Variants in GAS2 observed in about 807,000 individuals in gnomAD.
GAS2 encodes the protein growth arrest specific 2.
A neutral mutation model predicts 37.5 loss-of-function variants in GAS2; 20 were observed. The observed-to-expected ratio is 0.53, with a 90% CI of 0.37 to 0.77. The LOEUF (loss-of-function observed/expected upper bound fraction) is 0.77, where lower values mean the gene tolerates loss of function less well. Among genes scored for constraint, GAS2 ranks in the 30% least tolerant of loss-of-function variants. GAS2 has a pLI of 0.00. For missense variants in GAS2, 336 were observed against 373.4 expected (o/e 0.90, Z 0.82); for synonymous variants, 144 against 132.2 (o/e 1.09, Z -0.61).
intron 3 of GAS2, among the ~76,000 whole-genome samples, chr11:22,704,588 C>T (rs369032269): frequency 1.2e-4 from 11 of 90,502 alleles, no homozygotes; most frequent in Middle Eastern, 0.015. Flanking sequence ...TGAAAATAAA[C>T]ATATATATAT....
chr11:22,639,561 G>A lies in GAS2; in HGVS notation c.-21+13748G>A, dbSNP rs551301062. Among the ~76,000 whole-genome samples, 37 of 152,126 alleles carry A rather than the reference G, an allele frequency of 2.4e-4. No individual in the cohort carries two copies. In the South Asian group the frequency reaches 7.3e-3, roughly 30 times the overall value. On this transcript the variant is annotated intron_variant, in intron 1 of 5. Transcript: ENST00000528582. ...ATTTCATTGGTTTCCCTTACAAAAG[G>A]GGAAAATCGTCAAATGAATTGTAAT...
intron 1 of GAS2, among the ~76,000 whole-genome samples, chr11:22,652,288 C>G (rs186652095): frequency 1.6e-4 from 25 of 152,332 alleles, no homozygotes; most frequent in African/African-American, 5.5e-4. Flanking sequence ...TCTCAGATCT[C>G]CAGCTGTGTG....
chr11:22,673,676 G>C (rs1849295460), intron 1 of GAS2, among the ~76,000 whole-genome samples: 1 of 151,996 alleles, frequency 6.6e-6, no homozygotes, highest in Non-Finnish European at 1.5e-5. Flanking sequence ...GGAGGCCGAG[G>C]CAGGTGGATC....
chr11:22,665,007 A>G (rs1023475103), upstream of GAS2, among the ~76,000 whole-genome samples: 201 of 150,144 alleles, frequency 1.3e-3, no homozygotes, highest in Non-Finnish European at 1.4e-3. Context: ...TTTAAGACAA[A>G]AAAAAAAATA....
chr11:22,629,430 A>G (rs1178595743), intron 1 of GAS2, among the ~76,000 whole-genome samples: 1 of 152,012 alleles, frequency 6.6e-6, no homozygotes, highest in East Asian at 1.9e-4. Context: ...CCAACAGTGT[A>G]TAAGCATTCC....
At chr11:22,775,041 T>C (rs1052600473) in intron 7 of GAS2, among the ~76,000 whole-genome samples, 2 of 150,838 alleles carry the variant, frequency 1.3e-5, no homozygotes, top group Non-Finnish European at 3.0e-5. Context: ...AAAGGAGGAG[T>C]GGGCAACGAG....
intron 7 of GAS2, among the ~76,000 whole-genome samples, chr11:22,790,296 C>G (rs575232095): frequency 7.2e-5 from 11 of 152,298 alleles, no homozygotes; most frequent in Admixed American, 5.9e-4. Flanking sequence ...TCTCCTATCC[C>G]TCTCGCATTT....
intron 7 of GAS2, among the ~76,000 whole-genome samples, chr11:22,765,909 C>T (rs753570613): frequency 9.9e-5 from 15 of 152,044 alleles, no homozygotes; most frequent in East Asian, 1.9e-4. Context: ...TTTCTATACA[C>T]GGTGGAAGAA....
In GAS2 at chr11:22,762,823, G is replaced by T. The variant is rs151194360; in HGVS notation, c.723+6870G>T. ...AAAATTAACTAGAATTCTATAATAAGACATATTGCTATCTGTCCTGATATC... is the reference window on the plus strand; with the variant it reads ...AAAATTAACTAGAATTCTATAATAATACATATTGCTATCTGTCCTGATATC... On this transcript the variant is annotated intron_variant, in intron 7 of 7. Transcript: ENST00000454584. Among the ~76,000 whole-genome samples, 7 of 152,188 alleles carry T rather than the reference G, an allele frequency of 4.6e-5. No individual in the cohort carries two copies. The East Asian group carries it at 1.4e-3, about 29-fold the overall frequency.
intron 7 of GAS2, among the ~76,000 whole-genome samples, chr11:22,779,916 CAAGCACCCTG>C (rs1855466573): frequency 6.6e-6 from 1 of 152,116 alleles, no homozygotes; most frequent in Admixed American, 6.5e-5. Context: ...ATACTGATCC[CAAGCACCCTG>C]TAATTTTCTT....
intron 4 of GAS2, among the ~76,000 whole-genome samples, chr11:22,736,712 A>G (rs1852774087): frequency 6.6e-6 from 1 of 152,120 alleles, no homozygotes; most frequent in Admixed American, 6.5e-5. Context: ...TTAAGAATAA[A>G]AGCAATATTG....
chr11:22,772,460 C>A (rs2134434185), intron 7 of GAS2, among the ~76,000 whole-genome samples: 1 of 152,176 alleles, frequency 6.6e-6, no homozygotes, highest in African/African-American at 2.4e-5. Context: ...TCATCAGTAT[C>A]TTTTAAAGGG....
At chr11:22,700,004 T>G (rs1260985038) in intron 3 of GAS2, among the ~76,000 whole-genome samples, 1 of 152,146 alleles carries the variant, frequency 6.6e-6, no homozygotes, top group East Asian at 1.9e-4. Flanking sequence ...ATACTGGAAG[T>G]GTAGAGATGC....
chr11:22,657,978 G>C (rs1252787051), intron 1 of GAS2, among the ~76,000 whole-genome samples: 1 of 150,942 alleles, frequency 6.6e-6, no homozygotes, highest in African/African-American at 2.4e-5. Flanking sequence ...AATTTAAAAC[G>C]ATCCAGATGT....
intron 7 of GAS2, among the ~76,000 whole-genome samples, chr11:22,783,833 G>A (rs1855690463): frequency 1.3e-5 from 2 of 152,122 alleles, no homozygotes; most frequent in Non-Finnish European, 2.9e-5. Context: ...TATGTGTAAG[G>A]AAGGAGTCCA....
At chr11:22,692,360 A>C (rs1850287257) in intron 3 of GAS2, among the ~76,000 whole-genome samples, 1 of 152,204 alleles carries the variant, frequency 6.6e-6, no homozygotes, top group Non-Finnish European at 1.5e-5. Flanking sequence ...ACGTGCGCCC[A>C]TGATACAGCC....
chr11:22,752,614 C>T (rs773644193), intron 6 of GAS2, among the ~76,000 whole-genome samples: 23 of 150,954 alleles, frequency 1.5e-4, no homozygotes, highest in Non-Finnish European at 2.7e-4. Context: ...TAATTTTACT[C>T]TGGGAAAGCT....
At chr11:22,797,179 C>A (rs745809161) in intron 7 of GAS2, among the ~76,000 whole-genome samples, 3 of 151,928 alleles carry the variant, frequency 2.0e-5, no homozygotes, top group African/African-American at 4.8e-5. Flanking sequence ...GAGGACTGAC[C>A]GGCAGTTGGC....
At chr11:22,800,902 A>C (rs1434698438) in intron 7 of GAS2, among the ~76,000 whole-genome samples, 1 of 152,086 alleles carries the variant, frequency 6.6e-6, no homozygotes, top group East Asian at 1.9e-4. Context: ...TAGCTAGGAT[A>C]TATACAGCTT....
Sources: allele counts gnomAD v4.1 joint callset (sites outside exome capture counted in the v4.1 genomes callset), GRCh38; gene constraint gnomAD v4.1.1; transcripts MANE v1.5; gene names NCBI Gene and HGNC (gene_info 2026-07-23, HGNC 2026-07-21).